Variants in RAP2A observed in about 807,000 individuals in gnomAD.
RAP2A encodes the protein ras-related protein Rap-2a.
RAP2A carries 5 observed loss-of-function variants against 15.1 expected under a neutral mutation model. That is an observed-to-expected ratio of 0.33 (90% CI 0.17 to 0.70). RAP2A has a LOEUF of 0.70. RAP2A is among the 30% of genes least tolerant of loss of function. The pLI is 0.68. For missense variants in RAP2A, 111 were observed against 240.3 expected, an observed-to-expected ratio of 0.46 and a Z score of 3.56; for synonymous variants, 110 against 99.7, an observed-to-expected ratio of 1.10 and a Z score of -0.62.
chr13:97,465,215 T>A lies in RAP2A; in HGVS notation c.*773T>A, dbSNP rs1027319708. ...AACCCGCCCTCTGTTAGGGGTGGTC[T>A]TTATAACTTTACTGAACAAGAGGGA... On this transcript the variant is annotated 3_prime_UTR_variant, in exon 2 of 2. Transcript: ENST00000245304. 2.6e-5 allele frequency: 4 copies of A among 152,688 alleles called. No homozygotes were observed. Among genetic ancestry groups the A allele is most frequent in the Non-Finnish European group, 4.4e-5 (3 of 68,032 alleles). 9.5% of individuals were successfully genotyped at this position (152,688 alleles called of 1,614,324 possible).
At chr13:97,443,122 A>AT (rs1302675694) in intron 1 of RAP2A, among the ~76,000 whole-genome samples, 19 of 152,198 alleles carry the variant, frequency 1.2e-4, no homozygotes, top group Non-Finnish European at 1.5e-5. Flanking sequence ...AGAAAACTCA[A>AT]AATAGAGGTC....
At chr13:97,438,571 A>G (rs1421388428) in intron 1 of RAP2A, among the ~76,000 whole-genome samples, 1 of 152,188 alleles carries the variant, frequency 6.6e-6, no homozygotes, top group African/African-American at 2.4e-5. Flanking sequence ...TAGTGTTCCA[A>G]TAATGGAACA....
At position 97,464,229 on chromosome 13, in the gene RAP2A, G is replaced by C; in HGVS notation, c.339G>C (p.Leu113Phe). ...GGTATGAGAAAGTGCCAGTCATCTT[G>C]GTTGGGAACAAAGTGGACCTGGAAA... ...VKRYEKVPVILVGNKVDLESE... is the reference protein window; with the variant it reads ...VKRYEKVPVIFVGNKVDLESE... Residue 113 changes from leucine (L) to phenylalanine (F), a missense_variant, in exon 2 of 2, where the codon TTG becomes TTC. Leu to Phe is a conservative substitution (Grantham distance 22). Around this residue, in one of 3 missense-constraint regions of RAP2A, gnomAD observed 74 missense variants for 132.3 expected, o/e 0.56. Coordinates refer to ENST00000245304, the MANE Select transcript of RAP2A (RefSeq NM_021033.7). 6.2e-7 allele frequency: 1 copy of C among 1,614,190 alleles called. No homozygotes were observed. The highest frequency in any genetic ancestry group is 8.5e-7 in the Non-Finnish European group (1 of 1,180,024).
rs564210134 is a variant in RAP2A at position 97,467,941 on chromosome 13, C to T, written c.*3499C>T. 6.6e-6 allele frequency: 1 copy of T among 152,556 alleles called. No homozygotes were observed. Among genetic ancestry groups the T allele is most frequent in the Non-Finnish European group, 1.5e-5 (1 of 68,016 alleles). 9.5% of individuals were successfully genotyped at this position (152,556 alleles called of 1,614,324 possible). A position where few individuals can be genotyped will look rare whatever the true frequency, so the allele number is the denominator to read the frequency against. On this transcript the variant is annotated 3_prime_UTR_variant, in exon 2 of 2. Transcript: ENST00000245304. ...TAGTTATAACTCAATGCAAATTCAA[C>T]AGTTGTATTTGGAGTTAAATTATTT...
chr13:97,438,869 C>G (rs2066645108), intron 1 of RAP2A, among the ~76,000 whole-genome samples: 1 of 152,164 alleles, frequency 6.6e-6, no homozygotes, highest in Non-Finnish European at 1.5e-5. Context: ...AATGAATGTT[C>G]AGAAAGAAAA....
At position 97,466,108 on chromosome 13, in the gene RAP2A, A is replaced by T. The variant is rs2066769867; in HGVS notation, c.*1666A>T. ...TCTATACTGCAGAATATAGTGTATC[A>T]AAAACTTTTTTCTTTTAAATTATTA... On this transcript the variant is annotated 3_prime_UTR_variant, in exon 2 of 2. Coordinates refer to ENST00000245304, the MANE Select transcript of RAP2A (RefSeq NM_021033.7). 1.3e-5 allele frequency: 2 copies of T among 152,184 alleles called. No homozygotes were observed. Among genetic ancestry groups the T allele is most frequent in the South Asian group, 4.1e-4 (2 of 4,832 alleles). The allele number at this position is 152,184 out of a possible 1,614,324, so 9.4% of individuals were successfully genotyped here.
chr13:97,441,312 G>A (rs1429361374), intron 1 of RAP2A, among the ~76,000 whole-genome samples: 1 of 151,976 alleles, frequency 6.6e-6, no homozygotes, highest in Non-Finnish European at 1.5e-5. Flanking sequence ...TTAATGGAGG[G>A]CAAAAATAAT....
chr13:97,462,160 TAG>T (rs2066750852), intron 1 of RAP2A, among the ~76,000 whole-genome samples: 1 of 150,640 alleles, frequency 6.6e-6, no homozygotes, highest in African/African-American at 2.4e-5. Flanking sequence ...TTATTATTCA[TAG>T]ACAGACTGAA....
At chr13:97,444,868 C>T (rs1337531540) in intron 1 of RAP2A, among the ~76,000 whole-genome samples, 1 of 152,118 alleles carries the variant, frequency 6.6e-6, no homozygotes, top group Non-Finnish European at 1.5e-5. Context: ...ATGTCTTAGT[C>T]TCTTCAGGCT....
At chr13:97,452,537 T>C (rs747831046) in intron 1 of RAP2A, among the ~76,000 whole-genome samples, 2 of 151,284 alleles carry the variant, frequency 1.3e-5, no homozygotes, top group Non-Finnish European at 2.9e-5. Flanking sequence ...AGTATTGATA[T>C]CTGGTGTCTA....
chr13:97,447,275 A>G (rs920036474), intron 1 of RAP2A, among the ~76,000 whole-genome samples: 3 of 152,224 alleles, frequency 2.0e-5, no homozygotes, highest in African/African-American at 7.2e-5. Context: ...ATTTCAGCAG[A>G]AAATTCAAAT....
rs1460190702 is a variant in RAP2A at position 97,467,180 on chromosome 13, GA to G, written c.*2740del. On this transcript the variant is annotated 3_prime_UTR_variant, in exon 2 of 2. Transcript: ENST00000245304. Reference sequence around the variant, plus strand: ...ACTTTTATACAAAGGCAGCATCTTTGAATTTTTTTTTCTTTTGATGTTGCAA... The same window carrying G: ...ACTTTTATACAAAGGCAGCATCTTTGATTTTTTTTTCTTTTGATGTTGCAA... 3.9e-5 allele frequency: 6 copies of G among 152,416 alleles called. No individual in the cohort carries two copies. Among genetic ancestry groups the G allele is most frequent in the African/African-American group, 1.4e-4 (6 of 41,396 alleles). 9.4% of individuals were successfully genotyped at this position (152,416 alleles called of 1,614,324 possible). A position where few individuals can be genotyped will look rare whatever the true frequency, so the allele number is the denominator to read the frequency against.
chr13:97,464,114 G>A, intron 1 of RAP2A, 91 bp from the exon 2 acceptor site: 1 of 1,116,674 alleles, frequency 9.0e-7, no homozygotes, highest in South Asian at 1.4e-5. Flanking sequence ...CATTTATGTT[G>A]GAATAGCCCC....
At chr13:97,440,009 C>G (rs551336826) in intron 1 of RAP2A, among the ~76,000 whole-genome samples, 32 of 152,222 alleles carry the variant, frequency 2.1e-4, no homozygotes, top group African/African-American at 7.2e-4. Flanking sequence ...AAAGCCTACT[C>G]TAAAACAGAA....
Position 97,466,286 on chromosome 13 carries a change from C to G in RAP2A, c.*1844C>G, listed in dbSNP as rs1318695528. ...ATACGTGAATGAAACCAGGCCATAG[C>G]TGTCATAAATCTTTGACTTTTGAAT... On this transcript the variant is annotated 3_prime_UTR_variant, in exon 2 of 2. Coordinates refer to ENST00000245304, the MANE Select transcript of RAP2A (RefSeq NM_021033.7). 6.6e-6 allele frequency: 1 copy of G among 151,664 alleles called. No homozygotes were observed. Among genetic ancestry groups the G allele is most frequent in the East Asian group, 1.9e-4 (1 of 5,188 alleles). 9.4% of individuals were successfully genotyped at this position (151,664 alleles called of 1,614,324 possible). A position where few individuals can be genotyped will look rare whatever the true frequency, so the allele number is the denominator to read the frequency against.
In RAP2A at chr13:97,464,590, T is replaced by C. The variant is rs964638271; in HGVS notation, c.*148T>C. On this transcript the variant is annotated 3_prime_UTR_variant, in exon 2 of 2. Coordinates refer to ENST00000245304, the MANE Select transcript of RAP2A (RefSeq NM_021033.7). ...TTCAGAATTGAGCAGTGATTGTCAGTTGATATCTCTGAGTAACATTTGGGT... is the reference window on the plus strand; with the variant it reads ...TTCAGAATTGAGCAGTGATTGTCAGCTGATATCTCTGAGTAACATTTGGGT... The C allele has an allele frequency of 9.4e-6, 7 of 743,534 alleles. No homozygotes were observed. The highest frequency in any genetic ancestry group is 5.0e-5 in the Admixed American group (2 of 40,038). The allele number at this position is 743,534 out of a possible 1,614,324, so 46.1% of individuals were successfully genotyped here.
At chr13:97,451,498 C>T (rs766590489) in intron 1 of RAP2A, among the ~76,000 whole-genome samples, 12 of 152,088 alleles carry the variant, frequency 7.9e-5, no homozygotes, top group Non-Finnish European at 1.6e-4. Context: ...TTGCATGGAC[C>T]AGTAGTTAAT....
chr13:97,442,228 AC>A (rs755310887), intron 1 of RAP2A, among the ~76,000 whole-genome samples: 4 of 152,152 alleles, frequency 2.6e-5, no homozygotes, highest in Admixed American at 1.3e-4. Context: ...AGATTCTAAT[AC>A]ATAATCTAGC....
chr13:97,457,740 GGATA>G lies in RAP2A; in HGVS notation c.315-6460_315-6457del, dbSNP rs545890043. On this transcript the variant is annotated intron_variant, in intron 1 of 1. Transcript: ENST00000245304. ...ATATATGGAGGAAAATAATTTGGAA[GGATA>G]GATATCAAAATAGTTATAGTGATCA... is the stretch of plus-strand genomic sequence containing the variant. 3.3e-5 allele frequency among the ~76,000 whole-genome samples: 5 copies of G among 152,154 alleles called. No homozygotes were observed. In the South Asian group the frequency reaches 6.2e-4, roughly 19 times the overall value.
Sources: allele counts gnomAD v4.1 joint callset (sites outside exome capture counted in the v4.1 genomes callset), GRCh38; gene constraint gnomAD v4.1.1; regional missense constraint gnomAD v4.1.1; transcripts MANE v1.5; gene names NCBI Gene and HGNC (gene_info 2026-07-23, HGNC 2026-07-21).